Variants in KLF8 observed in about 807,000 individuals in gnomAD.
The protein encoded by KLF8 is Krueppel-like factor 8.
KLF8 carries 10 observed loss-of-function variants against 18.2 expected under a neutral mutation model. That is an observed-to-expected ratio of 0.55 (90% CI 0.34 to 0.93). The LOEUF (loss-of-function observed/expected upper bound fraction) is 0.93. Ranked by LOEUF, KLF8 falls within the 40% of genes least tolerant of loss-of-function variation. The pLI is 0.02. For synonymous variants in KLF8, 109 were observed against 97.3 expected, an observed-to-expected ratio of 1.12 and a Z score of -0.71; for missense variants, 264 against 277.9, an observed-to-expected ratio of 0.95 and a Z score of 0.36.
At chrX:56,179,019 A>G in the KLF8 span, among the ~76,000 whole-genome samples, 1 of 112,198 alleles carries the variant, frequency 8.9e-6, no homozygotes, top group African/African-American at 3.2e-5. Flanking sequence ...AATTCTGTGA[A>G]AAAAGTCCTT....
chrX:56,077,857 C>T, the KLF8 span, among the ~76,000 whole-genome samples: 6 of 110,801 alleles, frequency 5.4e-5, no homozygotes, highest in Middle Eastern at 4.7e-3. Context: ...AGGTCCTTCA[C>T]GTCCCTTGTA....
the KLF8 span, among the ~76,000 whole-genome samples, chrX:56,032,788 C>A: frequency 8.9e-6 from 1 of 111,885 alleles, no homozygotes; most frequent in African/African-American, 3.2e-5. Context: ...CTGTTTTAAA[C>A]ATTTGCAGAC....
At chrX:56,190,011 A>G in the KLF8 span, among the ~76,000 whole-genome samples, 4 of 109,894 alleles carry the variant, frequency 3.6e-5, no homozygotes, top group Non-Finnish European at 5.7e-5. Context: ...CCTGAAACTT[A>G]AAGTATAATA....
chrX:56,078,405 G>T, the KLF8 span, among the ~76,000 whole-genome samples: 21 of 111,927 alleles, frequency 1.9e-4, no homozygotes, highest in African/African-American at 6.2e-4. Flanking sequence ...ATAATCATGT[G>T]GTTTTTGTCT....
chrX:56,099,752 A>G, the KLF8 span, among the ~76,000 whole-genome samples: 1 of 112,038 alleles, frequency 8.9e-6, no homozygotes, highest in Non-Finnish European at 1.9e-5. Context: ...ATCCAGAGAA[A>G]GTCCTTAACT....
At chrX:56,010,116 G>A in the KLF8 span, among the ~76,000 whole-genome samples, 1 of 111,320 alleles carries the variant, frequency 9.0e-6, no homozygotes, top group African/African-American at 3.3e-5. Context: ...GAGAACCTCA[G>A]TAAGATATTC....
chrX:56,040,542 T>A, the KLF8 span, among the ~76,000 whole-genome samples: 1 of 111,846 alleles, frequency 8.9e-6, no homozygotes, highest in Non-Finnish European at 1.9e-5. Flanking sequence ...GATTTATGTG[T>A]GTTGAACCAA....
the KLF8 span, among the ~76,000 whole-genome samples, chrX:56,150,863 A>AATCATACT: frequency 2.7e-5 from 3 of 111,722 alleles, no homozygotes; most frequent in Non-Finnish European, 5.6e-5. Flanking sequence ...AATTATTATT[A>AATCATACT]ATCATACTAA....
At chrX:55,995,970 T>G in the KLF8 span, among the ~76,000 whole-genome samples, 1 of 112,131 alleles carries the variant, frequency 8.9e-6, no homozygotes. Flanking sequence ...ATATTTTTTG[T>G]AAGTTGCTTG....
the KLF8 span, among the ~76,000 whole-genome samples, chrX:56,188,160 A>T: frequency 4.5e-4 from 50 of 111,676 alleles, no homozygotes; most frequent in African/African-American, 1.6e-3. Context: ...TAAGCTGATA[A>T]GCAACTTCAG....
the KLF8 span, among the ~76,000 whole-genome samples, chrX:56,149,257 G>C: frequency 2.7e-5 from 3 of 111,906 alleles, no homozygotes. Flanking sequence ...CTGGAACATA[G>C]AAGAGAGGTC....
the KLF8 span, among the ~76,000 whole-genome samples, chrX:56,051,470 A>T: frequency 1.8e-5 from 2 of 110,082 alleles, no homozygotes; most frequent in East Asian, 5.7e-4. Context: ...CCTGGTGGTG[A>T]CAAAATCTCT....
At chrX:56,159,864 G>A in the KLF8 span, among the ~76,000 whole-genome samples, 3 of 111,203 alleles carry the variant, frequency 2.7e-5, no homozygotes, top group South Asian at 1.1e-3. Context: ...ATTTTTTGAA[G>A]GGTTTTTTTA....
chrX:56,135,642 T>C, the KLF8 span, among the ~76,000 whole-genome samples: 1 of 110,211 alleles, frequency 9.1e-6, no homozygotes, highest in Non-Finnish European at 1.9e-5. Flanking sequence ...CTGGCCCATG[T>C]ATACATATGT....
At chrX:56,217,438 CAG>C in the KLF8 span, among the ~76,000 whole-genome samples, 2 of 68,786 alleles carry the variant, frequency 2.9e-5, no homozygotes, top group African/African-American at 7.6e-5. Context: ...TATTCTGAGA[CAG>C]AGTCTTGCTC....
the KLF8 span, among the ~76,000 whole-genome samples, chrX:56,165,555 C>T: frequency 8.9e-6 from 1 of 111,918 alleles, no homozygotes; most frequent in Non-Finnish European, 1.9e-5. Flanking sequence ...AAAACGTTGT[C>T]ATGTTTCATT....
chrX:55,994,444 TA>T, the KLF8 span, among the ~76,000 whole-genome samples: 1 of 108,875 alleles, frequency 9.2e-6, no homozygotes, highest in Admixed American at 9.7e-5. Context: ...TAATTTTTGT[TA>T]TTTTTTTTTT....
At chrX:56,027,425 CT>C in the KLF8 span, among the ~76,000 whole-genome samples, 1 of 112,132 alleles carries the variant, frequency 8.9e-6, no homozygotes, top group African/African-American at 3.2e-5. Flanking sequence ...ATTTTATGTT[CT>C]TTCCCCCAGA....
the KLF8 span, among the ~76,000 whole-genome samples, chrX:55,910,097 G>A: frequency 6.3e-5 from 7 of 111,968 alleles, no homozygotes; most frequent in East Asian, 1.7e-3. Context: ...CACAGTTCCC[G>A]GTGCTCTGCA....
Sources: allele counts gnomAD v4.1 joint callset (sites outside exome capture counted in the v4.1 genomes callset), GRCh38; gene constraint gnomAD v4.1.1; transcripts MANE v1.5; gene names NCBI Gene and HGNC (gene_info 2026-07-23, HGNC 2026-07-21).